The following DLGAP2 variants were observed in gnomAD, a reference collection of about 807,000 sequenced individuals.
The protein encoded by DLGAP2 is DLG associated protein 2.
Under a neutral mutation model 100.3 loss-of-function variants are expected in DLGAP2, and 26 were observed. The ratio of observed to expected loss-of-function variants is 0.26; its 90% CI spans 0.19 to 0.36. The LOEUF (loss-of-function observed/expected upper bound fraction) is 0.36. Ranked by LOEUF, DLGAP2 falls within the 10% of genes least tolerant of loss-of-function variation. The pLI is 1.00. For synonymous variants in DLGAP2, 886 were observed against 630.1 expected, an observed-to-expected ratio of 1.41 and a Z score of -6.08; for missense variants, 1,858 against 1,453.2, an observed-to-expected ratio of 1.28 and a Z score of -4.53.
chr8:1,676,165 T>C (rs1420336861), intron 10 of DLGAP2, among the ~76,000 whole-genome samples: 1 of 152,214 alleles, frequency 6.6e-6, no homozygotes, highest in Non-Finnish European at 1.5e-5. Flanking sequence ...ATTAGCTGTG[T>C]TTGGTTCATG....
chr8:819,555 A>C (rs976300900), intron 1 of DLGAP2, among the ~76,000 whole-genome samples: 2 of 152,224 alleles, frequency 1.3e-5, no homozygotes, highest in Non-Finnish European at 1.5e-5. Context: ...TTTTCATTGG[A>C]AAATGATAAA....
At chr8:1,221,354 T>C (rs1044229705) in intron 2 of DLGAP2, among the ~76,000 whole-genome samples, 17 of 152,228 alleles carry the variant, frequency 1.1e-4, no homozygotes, top group Non-Finnish European at 7.3e-5. Flanking sequence ...CCTTTACTTA[T>C]GAAGCATAGT....
At chr8:1,301,218 C>G (rs761799781) in intron 3 of DLGAP2, 4 of 152,336 alleles carry the variant, frequency 2.6e-5, no homozygotes, top group African/African-American at 9.6e-5. Context: ...CCCATCGATA[C>G]CTGACGTGGG....
intron 3 of DLGAP2, among the ~76,000 whole-genome samples, chr8:1,309,487 A>G (rs1271790273): frequency 1.3e-5 from 2 of 152,246 alleles, no homozygotes; most frequent in African/African-American, 4.8e-5. Flanking sequence ...AATTTTAAGA[A>G]GTTTATAGTC....
chr8:1,075,327 G>C (rs777367992), intron 2 of DLGAP2, among the ~76,000 whole-genome samples: 35 of 152,274 alleles, frequency 2.3e-4, no homozygotes, highest in Non-Finnish European at 5.0e-4. Flanking sequence ...GATGCGGATT[G>C]AGGCGTGCAT....
At chr8:872,333 C>T (rs11137107) in intron 1 of DLGAP2, among the ~76,000 whole-genome samples, 50,446 of 99,864 alleles carry the variant, frequency 0.51, 10,268 homozygotes, top group Admixed American at 0.63. Flanking sequence ...CACTTCTTTT[C>T]TTTTTTTTTT....
chr8:1,167,552 G>T (rs943975603), intron 2 of DLGAP2, among the ~76,000 whole-genome samples: 5 of 152,152 alleles, frequency 3.3e-5, no homozygotes, highest in African/African-American at 1.2e-4. Context: ...CTGCACCCTA[G>T]TTTCCTTTAA....
chr8:1,704,511 A>T lies in DLGAP2; in HGVS notation c.*3105A>T, dbSNP rs1799653459. The T allele has an allele frequency of 6.6e-6, 1 of 152,224 alleles. No individual in the cohort carries two copies. The highest frequency in any genetic ancestry group is 1.5e-5 in the Non-Finnish European group (1 of 68,042). The allele number at this position is 152,224 out of a possible 1,614,324, so 9.4% of individuals were successfully genotyped here. On this transcript the variant is annotated 3_prime_UTR_variant, in exon 15 of 15. Coordinates refer to ENST00000637795, the MANE Select transcript of DLGAP2 (RefSeq NM_001346810.2). ...CTTGTGATGCGTCTCTCGCATCTTC[A>T]CGTGTTGTTGTGTTTGAAGTAAAAC...
chr8:1,532,051 C>T (rs1285560175), intron 4 of DLGAP2, among the ~76,000 whole-genome samples: 2 of 152,206 alleles, frequency 1.3e-5, no homozygotes, highest in Admixed American at 1.3e-4. Flanking sequence ...GTGAGAGACA[C>T]ATGGTTGCAT....
At chr8:1,201,747 T>C (rs774096500) in intron 2 of DLGAP2, among the ~76,000 whole-genome samples, 1 of 152,198 alleles carries the variant, frequency 6.6e-6, no homozygotes, top group Non-Finnish European at 1.5e-5. Flanking sequence ...GAGGGGCTTG[T>C]GTGCTGTGCC....
At chr8:1,556,925 C>G (rs1235171039) in intron 5 of DLGAP2, among the ~76,000 whole-genome samples, 1 of 152,184 alleles carries the variant, frequency 6.6e-6, no homozygotes, top group African/African-American at 2.4e-5. Flanking sequence ...CCCAGCATTT[C>G]TCAAGCTCAG....
intron 3 of DLGAP2, among the ~76,000 whole-genome samples, chr8:1,434,009 A>T (rs1025631301): frequency 1.3e-5 from 2 of 152,084 alleles, no homozygotes; most frequent in African/African-American, 4.8e-5. Context: ...TGGGCATCTC[A>T]CTAAGCCTCT....
At chr8:919,326 A>C (rs777750990) in intron 2 of DLGAP2, among the ~76,000 whole-genome samples, 181 of 152,294 alleles carry the variant, frequency 1.2e-3, no homozygotes, top group Non-Finnish European at 2.1e-3. Flanking sequence ...AGCTGCCGAC[A>C]TCAGGCCGCG....
chr8:1,320,605 G>C (rs997195705), intron 3 of DLGAP2, among the ~76,000 whole-genome samples: 4 of 152,112 alleles, frequency 2.6e-5, no homozygotes, highest in African/African-American at 9.7e-5. Flanking sequence ...TCAACTTCTC[G>C]AACATATTCT....
rs758367501 is a variant in DLGAP2, at chr8:1,574,497, G to A, written c.1442+8603G>A. On this transcript the variant is annotated intron_variant, in intron 6 of 14. Coordinates refer to ENST00000637795, the MANE Select transcript of DLGAP2 (RefSeq NM_001346810.2). ...CTAAACCATGCTGCCCCCTGCCCCC[G>A]GAGGCAGCAGAATCTCCCCTCGGTG... Among the ~76,000 whole-genome samples the A allele has an allele frequency of 1.4e-4, 21 of 152,116 alleles. 1 individual carries two copies. Among genetic ancestry groups the A allele is most frequent in the Non-Finnish European group, 2.8e-4 (19 of 68,018 alleles).
chr8:1,380,358 G>A (rs1019599301), intron 3 of DLGAP2: 3 of 152,232 alleles, frequency 2.0e-5, no homozygotes, highest in Middle Eastern at 3.4e-3. Context: ...GGAAGCAGCC[G>A]TCTCCAGAAA....
intron 1 of DLGAP2, among the ~76,000 whole-genome samples, chr8:849,674 G>T (rs1042651602): frequency 6.6e-6 from 1 of 152,152 alleles, no homozygotes; most frequent in Admixed American, 6.5e-5. Context: ...CTCTTTCAAG[G>T]TTTTACTGCA....
chr8:1,418,527 C>G (rs1300046924), intron 3 of DLGAP2, among the ~76,000 whole-genome samples: 1 of 152,166 alleles, frequency 6.6e-6, no homozygotes, highest in East Asian at 1.9e-4. Context: ...CTTTCACAGT[C>G]AAAATGGAAG....
intron 6 of DLGAP2, among the ~76,000 whole-genome samples, chr8:1,570,614 C>A (rs766480343): frequency 1.3e-5 from 2 of 152,100 alleles, no homozygotes; most frequent in Admixed American, 1.3e-4. Flanking sequence ...GCTGTGGAGG[C>A]GTCTGCTGGG....
Sources: allele counts gnomAD v4.1 joint callset (sites outside exome capture counted in the v4.1 genomes callset), GRCh38; gene constraint gnomAD v4.1.1; transcripts MANE v1.5; gene names NCBI Gene and HGNC (gene_info 2026-07-23, HGNC 2026-07-21).